Variants in MYL7 observed in about 807,000 individuals in gnomAD.
The protein encoded by MYL7 is myosin regulatory light chain 2, atrial isoform.
In MYL7, 27 loss-of-function variants were observed where a neutral mutation model predicts 22.5. The ratio of observed to expected loss-of-function variants is 1.20; its 90% CI spans 0.89 to 1.66. MYL7 has a LOEUF of 1.66. Ranked by LOEUF, MYL7 falls within the 40% of genes most tolerant of loss-of-function variation. The probability of loss-of-function intolerance (pLI) is 0.00; values close to 1 mark genes in which losing one functional copy is unlikely to be tolerated. For missense variants in MYL7, 209 were observed against 226.8 expected (o/e 0.92, Z 0.50); for synonymous variants, 81 against 84.4 (o/e 0.96, Z 0.22).
In MYL7 at chr7:44,140,544, C is replaced by T. The variant is rs546714202; in HGVS notation, c.194-117G>A. ...TGGAGGGGCAGAGGCAGCTGTGGGT[C>T]GGGAAGGTGAAGTGGAAGCAAGGCG... On this transcript the variant is annotated intron_variant, in intron 3 of 6. Transcript: ENST00000223364. The T allele has an allele frequency of 9.3e-4, 1,094 of 1,179,900 alleles. 2 individuals are homozygous for T. Among genetic ancestry groups the T allele is most frequent in the Non-Finnish European group, 1.2e-3 (1,013 of 830,292 alleles). The allele number at this position is 1,179,900 out of a possible 1,614,324, so 73.1% of individuals were successfully genotyped here.
At position 44,141,084 on chromosome 7, in the gene MYL7, T is replaced by C; in HGVS notation, c.4-10A>G. The C allele has an allele frequency of 6.2e-7, 1 of 1,613,462 alleles. No homozygotes were observed. Among genetic ancestry groups the C allele is most frequent in the Non-Finnish European group, 8.5e-7 (1 of 1,179,512 alleles). On this transcript the variant is annotated splice_polypyrimidine_tract_variant and intron_variant, in intron 1 of 6. Coordinates refer to ENST00000223364, the MANE Select transcript of MYL7 (RefSeq NM_021223.3). The stretch of plus-strand genomic sequence containing the variant: ...CCGCCTTCCTGCTGGCCTGCAACAC[T>C]GTGAGTAGGGAGGGGTCCTCTCCCC...
rs1169756938 is a variant in MYL7, at chr7:44,140,504, C to T, written c.194-77G>A. On this transcript the variant is annotated intron_variant, in intron 3 of 6. Coordinates refer to ENST00000223364, the MANE Select transcript of MYL7 (RefSeq NM_021223.3). ...AAGGCCCAGGCCGCCCTCCCTCCAT[C>T]CTGGCCACAGGGGCTGGAGGGGCAG... is the stretch of plus-strand genomic sequence containing the variant. 10 of 1,377,308 alleles carry T rather than the reference C, an allele frequency of 7.3e-6. No individual in the cohort carries two copies. The Admixed American group carries it at 1.6e-4, about 23-fold the overall frequency. The allele number at this position is 1,377,308 out of a possible 1,614,324, so 85.3% of individuals were successfully genotyped here.
At chr7:44,139,725 T>A in intron 5 of MYL7, 57 bp downstream of exon 5, 1 of 1,600,126 alleles carries the variant, frequency 6.2e-7, no homozygotes. Flanking sequence ...ACTAGGGGCC[T>A]CACCCCGCTC....
rs773885003 is a variant in MYL7 at position 44,139,870 on chromosome 7, C to T, written c.299-10G>A. The T allele has an allele frequency of 1.1e-5, 18 of 1,595,254 alleles. No homozygotes were observed. The highest frequency in any genetic ancestry group is 2.7e-5 in the African/African-American group (2 of 73,716). ...TCCTCGGGGTCTGTCCCTGGAAGGC[C>T]GAGGCAGCCAGGTGAGCATCCATGT... On this transcript the variant is annotated splice_polypyrimidine_tract_variant and intron_variant, in intron 4 of 6. Coordinates refer to ENST00000223364, the MANE Select transcript of MYL7 (RefSeq NM_021223.3).
chr7:44,140,268 G>A, intron 4 of MYL7, 55 bp downstream of exon 4: 1 of 1,472,052 alleles, frequency 6.8e-7, no homozygotes, highest in African/African-American at 1.4e-5. Context: ...TGGGGTTCAG[G>A]CAGGGTGCAG....
chr7:44,140,004 G>T, intron 4 of MYL7, 144 bp from the exon 5 acceptor site: 1 of 786,230 alleles, frequency 1.3e-6, no homozygotes, highest in Non-Finnish European at 2.0e-6. Flanking sequence ...TCGGGGATCA[G>T]TGGGGCTGGG....
At chr7:44,141,273 G>A (rs538817433) in intron 1 of MYL7, 30 bp downstream of exon 1, 11 of 1,614,048 alleles carry the variant, frequency 6.8e-6, no homozygotes, top group South Asian at 3.3e-5. Flanking sequence ...CTGGGAGACC[G>A]CTAGCCTTTC....
At chr7:44,140,478 G>A in intron 3 of MYL7, 51 bp from the exon 4 acceptor site, 1 of 1,355,506 alleles carries the variant, frequency 7.4e-7, no homozygotes, top group Non-Finnish European at 9.8e-7. Flanking sequence ...GTGTCCCCCA[G>A]AAGGCCCAGG....
chr7:44,140,088 C>T (rs1170925275), intron 4 of MYL7, among the ~76,000 whole-genome samples: 1 of 152,018 alleles, frequency 6.6e-6, no homozygotes, highest in African/African-American at 2.4e-5. Context: ...AGGCACATTT[C>T]CTGGCTCCAA....
chr7:44,138,889 G>C lies in MYL7; in HGVS notation c.*32C>G, dbSNP rs757656618. ...TTCCAATTTTGCAACAGAGTTTATT[G>C]AGGTGCCCCCCCGTGGGCCTGGCCC... On this transcript the variant is annotated 3_prime_UTR_variant, in exon 7 of 7. Transcript: ENST00000223364. The C allele has an allele frequency of 2.5e-6, 4 of 1,574,414 alleles. No individual in the cohort carries two copies. In the South Asian group the frequency reaches 3.3e-5, roughly 13 times the overall value.
In MYL7 at chr7:44,140,792, G is replaced by T; in HGVS notation, c.118-5C>A. ...CTGGTCGATACAGCTGAAGGCCTGT[G>T]GGATGGGGGCCTTCAGGTGGGAGCA... On this transcript the variant is annotated splice_polypyrimidine_tract_variant and splice_region_variant and intron_variant, in intron 2 of 6. Transcript: ENST00000223364. The T allele has an allele frequency of 6.2e-7, 1 of 1,612,828 alleles. No homozygotes were observed.
At chr7:44,139,123 G>T in intron 6 of MYL7, 101 bp from the exon 7 acceptor site, 1 of 875,222 alleles carries the variant, frequency 1.1e-6, no homozygotes, top group Non-Finnish European at 1.8e-6. Flanking sequence ...CCCTGCATCT[G>T]TGCTTTTTGC....
rs147701378 is a variant in MYL7 at position 44,141,045 on chromosome 7, C to T, written c.33G>A (p.Lys11=). The change falls in exon 2 of 7, where the codon AAG becomes AAA. Residue 11 remains lysine, a synonymous_variant. Transcript: ENST00000223364. The part of the protein sequence containing the change: MASRKAGTRG[K]VAATKQAQRG... ...GTTGGGCCTGCTTGGTGGCTGCCAC[C>T]TTGCCCCGGGTCCCCGCCTTCCTGC... 2 of 1,614,016 alleles carry T rather than the reference C, an allele frequency of 1.2e-6. No homozygotes were observed. Among genetic ancestry groups the T allele is most frequent in the Non-Finnish European group, 1.7e-6 (2 of 1,179,958 alleles).
chr7:44,140,725 G>T lies in MYL7; in HGVS notation c.180C>A (p.Thr60=). 6.2e-7 allele frequency: 1 copy of T among 1,609,618 alleles called. No individual in the cohort carries two copies. Among genetic ancestry groups the T allele is most frequent in the Non-Finnish European group, 8.5e-7 (1 of 1,177,906 alleles). ...GIICKADLRE[T]YSQLGKVSVP... ...GGGTGCACGCACCCAGCTGGGAGTA[G>T]GTCTCCCTCAGGTCTGCCTTGCAGA... The change falls in exon 3 of 7, where the codon ACC becomes ACA. Residue 60 remains threonine (T), a synonymous_variant. Transcript: ENST00000223364.
At chr7:44,139,969 G>T (rs1480630144) in intron 4 of MYL7, 109 bp from the exon 5 acceptor site, 1 of 941,146 alleles carries the variant, frequency 1.1e-6, no homozygotes, top group Non-Finnish European at 1.6e-6. Context: ...AAGAGGTGGG[G>T]GTATTCCCTA....
chr7:44,140,389 G>T lies in MYL7; in HGVS notation c.232C>A (p.Leu78Met), dbSNP rs1410602407. 1 of 1,614,062 alleles carries T rather than the reference G, an allele frequency of 6.2e-7. No individual in the cohort carries two copies. Among genetic ancestry groups the T allele is most frequent in the Non-Finnish European group, 8.5e-7 (1 of 1,179,988 alleles). Residue 78 changes from leucine to methionine, a missense_variant, in exon 4 of 7, where the codon CTG becomes ATG. Transcript: ENST00000223364. Reference sequence around the variant, plus strand: ...TTGATGGGGCCCTTGCCCTCTTGCAGCATGGCGTCCAGCTCCTCCTCTGGG... The same window carrying T: ...TTGATGGGGCCCTTGCCCTCTTGCATCATGGCGTCCAGCTCCTCCTCTGGG... Reference protein sequence around the residue: ...SVPEEELDAMLQEGKGPINFT... With the variant: ...SVPEEELDAMMQEGKGPINFT...
Position 44,140,967 on chromosome 7 carries a change from G to A in MYL7, c.111C>T (p.Phe37=), listed in dbSNP as rs1396926016. The A allele has an allele frequency of 5.6e-6, 9 of 1,613,766 alleles. No homozygotes were observed. Among genetic ancestry groups the A allele is most frequent in the African/African-American group, 4.0e-5 (3 of 74,912 alleles). Residue 37 remains phenylalanine (F), a synonymous_variant, in exon 2 of 7, where the codon TTC becomes TTT. Coordinates refer to ENST00000223364, the MANE Select transcript of MYL7 (RefSeq NM_021223.3). Reference sequence around the variant, plus strand: ...ACTGGGAGTGGGCACTCACTTCTTTGAACTCCTGTATCTGGGCTTGTTCAA... The same window carrying A: ...ACTGGGAGTGGGCACTCACTTCTTTAAACTCCTGTATCTGGGCTTGTTCAA... ...SMFEQAQIQE[F]KEAFSCIDQN...
At chr7:44,140,280 C>A (rs1475521214) in intron 4 of MYL7, 43 bp downstream of exon 4, 15 of 1,556,514 alleles carry the variant, frequency 9.6e-6, no homozygotes, top group African/African-American at 1.4e-5. Flanking sequence ...AGGGTGCAGG[C>A]TCCCTGCCTG....
At chr7:44,139,443 G>T in intron 6 of MYL7, 78 bp downstream of exon 6, 1 of 1,511,802 alleles carries the variant, frequency 6.6e-7, no homozygotes, top group Non-Finnish European at 9.2e-7. Context: ...CTGCCTCACT[G>T]GTACTGGGCT....
Sources: gnomAD v4.1 joint callset for allele counts (sites outside exome capture counted in the v4.1 genomes callset) on GRCh38, gnomAD v4.1.1 for gene constraint, MANE v1.5 for transcripts, NCBI Gene and HGNC (gene_info 2026-07-23, HGNC 2026-07-21) for gene names.